The following ALG13 variants were observed in gnomAD, a reference collection of about 807,000 sequenced individuals.
ALG13 encodes ALG13 UDP-N-acetylglucosaminyltransferase subunit, also known as UDP-N-acetylglucosamine transferase subunit ALG13.
ALG13 carries 11 observed loss-of-function variants against 87.8 expected under a neutral mutation model. The observed-to-expected ratio is 0.13, with a 90% CI of 0.08 to 0.21. The LOEUF (loss-of-function observed/expected upper bound fraction) is 0.21. ALG13 is among the 10% of genes least tolerant of loss of function. The pLI is 1.00. For synonymous variants in ALG13, 320 were observed against 306.3 expected (o/e 1.04, Z -0.47); for missense variants, 756 against 866.1 (o/e 0.87, Z 1.60).
intron 5 of ALG13, 115 bp from the exon 6 acceptor site, chrX:111,711,560 C>T (rs1939783368): frequency 3.2e-6 from 2 of 628,519 alleles, no homozygotes; most frequent in Admixed American, 6.8e-5. Context: ...AAAGTAGATA[C>T]TTACACCATA....
intron 23 of ALG13, 121 bp from the exon 24 acceptor site, chrX:111,744,547 A>G (rs750171608): frequency 2.5e-6 from 2 of 803,502 alleles, no homozygotes; most frequent in South Asian, 2.5e-5. Flanking sequence ...TTTTTTTTAT[A>G]CCCAAACCTT....
At chrX:111,713,343 A>T (rs757116258) in intron 8 of ALG13, 46 bp downstream of exon 8, 4 of 871,143 alleles carry the variant, frequency 4.6e-6, no homozygotes, top group Admixed American at 5.1e-5. Flanking sequence ...AAGTTGAATG[A>T]TGCTTCTGGC....
chrX:111,694,092 G>A (rs1365093859), intron 3 of ALG13, among the ~76,000 whole-genome samples: 1 of 109,066 alleles, frequency 9.2e-6, no homozygotes, highest in Non-Finnish European at 1.9e-5. Context: ...CGCCCAGGCT[G>A]GAGTGCAGTG....
intron 23 of ALG13, among the ~76,000 whole-genome samples, chrX:111,738,415 G>A (rs749642423): frequency 3.6e-5 from 4 of 112,218 alleles, no homozygotes; most frequent in South Asian, 7.4e-4. Context: ...TCCTTTGAGC[G>A]CTATGTAGGC....
At chrX:111,708,696 TC>T (rs1939201131) in intron 4 of ALG13, among the ~76,000 whole-genome samples, 2 of 111,726 alleles carry the variant, frequency 1.8e-5, no homozygotes, top group South Asian at 7.6e-4. Context: ...TTTGTAAGCA[TC>T]CCCTGCTTCC....
At chrX:111,702,005 T>C (rs1286978288) in intron 3 of ALG13, among the ~76,000 whole-genome samples, 2 of 112,118 alleles carry the variant, frequency 1.8e-5, no homozygotes, top group African/African-American at 6.5e-5. Flanking sequence ...TGATTTATAG[T>C]TTCATGCCAT....
chrX:111,727,906 AAAG>A, intron 18 of ALG13, 136 bp downstream of exon 18: 1 of 774,495 alleles, frequency 1.3e-6, no homozygotes, highest in Non-Finnish European at 1.8e-6. Context: ...GAAAATGAGA[AAAG>A]AGACATTTTC....
intron 4 of ALG13, 129 bp from the exon 5 acceptor site, chrX:111,708,836 A>C: frequency 4.7e-6 from 2 of 421,452 alleles, no homozygotes; most frequent in Non-Finnish European, 7.9e-6. Flanking sequence ...TAGTAAGATG[A>C]TTTAATTTCC....
chrX:111,751,725 A>T (rs751255677), intron 24 of ALG13, among the ~76,000 whole-genome samples: 13 of 110,319 alleles, frequency 1.2e-4, no homozygotes, highest in South Asian at 7.7e-4. Context: ...AGCTGATTTT[A>T]AAAAAAAATG....
At position 111,683,251 on chromosome X, in the gene ALG13, A is replaced by T. The variant is rs781331330; in HGVS notation, c.244+957A>T. On this transcript the variant is annotated intron_variant, in intron 2 of 26. Coordinates refer to ENST00000394780, the MANE Select transcript of ALG13 (RefSeq NM_001099922.3). Reference sequence around the variant, plus strand: ...TGGTTAAGTAATTTGTCCAGCCGGGAAGTGGTGGACAGATAACAATCTGGT... The same window carrying T: ...TGGTTAAGTAATTTGTCCAGCCGGGTAGTGGTGGACAGATAACAATCTGGT... Among the ~76,000 whole-genome samples, 6 of 109,952 alleles carry T rather than the reference A, an allele frequency of 5.5e-5. No homozygotes were observed. In the East Asian group the frequency reaches 1.7e-3, roughly 31 times the overall value.
chrX:111,710,104 G>A (rs1035935700), intron 5 of ALG13, among the ~76,000 whole-genome samples: 32 of 107,613 alleles, frequency 3.0e-4, no homozygotes, highest in African/African-American at 1.0e-3. Context: ...ATCACGGCTC[G>A]CTGCAGCCTC....
chrX:111,757,323 G>T, intron 25 of ALG13: 1 of 256,995 alleles, frequency 3.9e-6, no homozygotes, highest in African/African-American at 2.8e-5. Flanking sequence ...TACTATAAAA[G>T]ACACCTTTGT....
In ALG13 at chrX:111,708,446, G is replaced by A. The variant is rs1054893587; in HGVS notation, c.750+53G>A. On this transcript the variant is annotated intron_variant, in intron 4 of 26. Transcript: ENST00000394780. ...CTGAGTTTTCAGAGTTTGAGACATGGGATGGTCCTGTAGTTTGCCAGAAGA... is the reference window on the plus strand; with the variant it reads ...CTGAGTTTTCAGAGTTTGAGACATGAGATGGTCCTGTAGTTTGCCAGAAGA... 3 of 1,152,459 alleles carry A rather than the reference G, an allele frequency of 2.6e-6. No individual in the cohort carries two copies. In the African/African-American group the frequency reaches 5.4e-5, roughly 21 times the overall value. The allele number at this position is 1,152,459 out of a possible 1,213,427, so 95.0% of individuals were successfully genotyped here.
intron 25 of ALG13, among the ~76,000 whole-genome samples, chrX:111,753,789 A>G (rs1380217763): frequency 8.9e-6 from 1 of 111,800 alleles, no homozygotes; most frequent in Non-Finnish European, 1.9e-5. Context: ...TTAATAGCCT[A>G]CCAACCAAAA....
intron 3 of ALG13, among the ~76,000 whole-genome samples, chrX:111,693,514 G>A (rs1014288471): frequency 9.0e-6 from 1 of 111,119 alleles, no homozygotes; most frequent in African/African-American, 3.3e-5. Context: ...CTAAAGTGCT[G>A]GGATTACAGG....
chrX:111,704,488 G>T (rs1483771780), intron 3 of ALG13, among the ~76,000 whole-genome samples: 2 of 112,066 alleles, frequency 1.8e-5, no homozygotes, highest in East Asian at 5.6e-4. Flanking sequence ...ACAAATTTTG[G>T]TTTATGCAGG....
At chrX:111,711,645 G>C in intron 5 of ALG13, 30 bp from the exon 6 acceptor site, 3 of 1,175,940 alleles carry the variant, frequency 2.6e-6, no homozygotes, top group Non-Finnish European at 3.5e-6. Flanking sequence ...CTGTGTATTT[G>C]GTTAAGTTGA....
intron 21 of ALG13, among the ~76,000 whole-genome samples, chrX:111,733,381 A>G (rs773706555): frequency 9.0e-6 from 1 of 111,331 alleles, no homozygotes; most frequent in East Asian, 2.9e-4. Flanking sequence ...GTGAGAACAT[A>G]TAGTGTTTGG....
At chrX:111,722,941 A>G in intron 13 of ALG13, 84 bp downstream of exon 13, 4 of 658,767 alleles carry the variant, frequency 6.1e-6, no homozygotes, top group Non-Finnish European at 9.3e-6. Flanking sequence ...TTATTTACAA[A>G]GTACTAGAAA....
Sources: gnomAD v4.1 joint callset for allele counts (sites outside exome capture counted in the v4.1 genomes callset) on GRCh38, gnomAD v4.1.1 for gene constraint, MANE v1.5 for transcripts, NCBI Gene and HGNC (gene_info 2026-07-23, HGNC 2026-07-21) for gene names.